CSMD1: variants seen among roughly 807,000 people sequenced by gnomAD.
CSMD1 encodes CUB and sushi domain-containing protein 1.
CSMD1 carries 213 observed loss-of-function variants against 417.5 expected under a neutral mutation model. That is an observed-to-expected ratio of 0.51 (90% CI 0.46 to 0.57). The LOEUF (loss-of-function observed/expected upper bound fraction) is 0.57. CSMD1 is among the 20% of genes least tolerant of loss of function. The pLI is 0.00. For synonymous variants in CSMD1, 2,862 were observed against 1,736.8 expected (o/e 1.65, Z -16.11); for missense variants, 6,923 against 4,529.7 (o/e 1.53, Z -15.17).
At chr8:3,913,092 G>C (rs1202534055) in intron 5 of CSMD1, among the ~76,000 whole-genome samples, 2 of 152,160 alleles carry the variant, frequency 1.3e-5, no homozygotes, top group Admixed American at 6.5e-5. Flanking sequence ...TTTGGATGGT[G>C]TGTGTCTGTG....
intron 46 of CSMD1, among the ~76,000 whole-genome samples, chr8:3,100,389 C>A (rs191137181): frequency 6.6e-6 from 1 of 152,326 alleles, no homozygotes; most frequent in East Asian, 1.9e-4. Flanking sequence ...GTTTCTTCTG[C>A]TCTTTCATAT....
intron 41 of CSMD1, among the ~76,000 whole-genome samples, chr8:3,141,405 T>G (rs892706343): frequency 6.6e-6 from 1 of 152,212 alleles, no homozygotes; most frequent in Non-Finnish European, 1.5e-5. Flanking sequence ...CTGGTTTGAC[T>G]CTGAAACAAA....
At chr8:3,259,179 C>G (rs1317882353) in intron 26 of CSMD1, among the ~76,000 whole-genome samples, 2 of 152,184 alleles carry the variant, frequency 1.3e-5, no homozygotes, top group Admixed American at 6.5e-5. Flanking sequence ...TTAGTATGGA[C>G]TCATATTCCA....
At chr8:3,966,732 GACACACACACAC>G (rs34929035) in intron 5 of CSMD1, among the ~76,000 whole-genome samples, 2 of 149,022 alleles carry the variant, frequency 1.3e-5, no homozygotes, top group Non-Finnish European at 3.0e-5. Context: ...CACACACACA[GACACACACACAC>G]ACACACACAC....
At chr8:3,249,739 G>C (rs149790404) in intron 26 of CSMD1, among the ~76,000 whole-genome samples, 2 of 113,628 alleles carry the variant, frequency 1.8e-5, no homozygotes, top group South Asian at 3.0e-4. Context: ...AGAAGCAAGA[G>C]AATGTGTTTA....
At chr8:4,349,817 G>C (rs1223954460) in intron 3 of CSMD1, among the ~76,000 whole-genome samples, 3 of 135,548 alleles carry the variant, frequency 2.2e-5, no homozygotes, top group Non-Finnish European at 4.5e-5. Flanking sequence ...AATATGATAT[G>C]ACCTTTTTTT....
intron 23 of CSMD1, among the ~76,000 whole-genome samples, chr8:3,320,915 A>G (rs1806111783): frequency 6.6e-6 from 1 of 152,200 alleles, no homozygotes; most frequent in Admixed American, 6.5e-5. Flanking sequence ...ACTGACCGTA[A>G]AGCGTTCAGT....
intron 2 of CSMD1, among the ~76,000 whole-genome samples, chr8:4,620,882 G>C (rs1019757700): frequency 8.6e-5 from 13 of 151,300 alleles, no homozygotes; most frequent in Non-Finnish European, 1.8e-4. Flanking sequence ...GTGAAAATAA[G>C]AGAAAAATTG....
chr8:3,823,380 G>C (rs569772862), intron 5 of CSMD1, among the ~76,000 whole-genome samples: 2 of 152,272 alleles, frequency 1.3e-5, no homozygotes, highest in African/African-American at 2.4e-5. Flanking sequence ...TTAAAGGAAA[G>C]TTAAATACTG....
intron 12 of CSMD1, among the ~76,000 whole-genome samples, chr8:3,427,467 C>A (rs1449479527): frequency 6.6e-6 from 1 of 151,796 alleles, no homozygotes; most frequent in African/African-American, 2.4e-5. Context: ...TTTTTGAAAC[C>A]TTTAAAATGA....
chr8:4,275,023 C>A (rs1796395855), intron 3 of CSMD1, among the ~76,000 whole-genome samples: 2 of 152,040 alleles, frequency 1.3e-5, no homozygotes, highest in African/African-American at 4.8e-5. Context: ...TACATTTTTC[C>A]ATTGGTATCC....
Position 4,407,339 on chromosome 8 carries a change from A to G in CSMD1, c.415+12614T>C, listed in dbSNP as rs989983201. ...AAGGGATGAAATGAAAACATATACA[A>G]TAACTTTTTTAAAACTCAATTTTTA... On this transcript the variant is annotated intron_variant, in intron 3 of 69. Coordinates refer to ENST00000635120, the MANE Select transcript of CSMD1 (RefSeq NM_033225.6). Among the ~76,000 whole-genome samples the G allele has an allele frequency of 4.6e-5, 7 of 152,372 alleles. 1 individual carries two copies. Among genetic ancestry groups the G allele is most frequent in the Admixed American group, 1.3e-4 (2 of 15,302 alleles).
At chr8:3,303,949 A>C (rs1436884959) in intron 25 of CSMD1, among the ~76,000 whole-genome samples, 1 of 75,156 alleles carries the variant, frequency 1.3e-5, no homozygotes, top group Non-Finnish European at 3.3e-5. Context: ...ATTGCGCCCC[A>C]TTATAATAAC....
intron 11 of CSMD1, among the ~76,000 whole-genome samples, chr8:3,485,538 C>CAG (rs55757538): frequency 0.017 from 2,246 of 134,984 alleles, 83 homozygotes; most frequent in African/African-American, 0.06. Context: ...CACACACACA[C>CAG]AGAGAGAGAG....
chr8:3,346,200 C>G (rs59640220), intron 22 of CSMD1, among the ~76,000 whole-genome samples: 1 of 151,944 alleles, frequency 6.6e-6, no homozygotes, highest in Non-Finnish European at 1.5e-5. Flanking sequence ...ATGTGAGAAG[C>G]ACGTTTTTTT....
intron 2 of CSMD1, among the ~76,000 whole-genome samples, chr8:4,452,508 A>T (rs138208010): frequency 6.6e-6 from 1 of 152,172 alleles, no homozygotes; most frequent in African/African-American, 2.4e-5. Flanking sequence ...TACAGCTTTA[A>T]TTTTAGTTCA....
chr8:4,052,583 T>G (rs945016540), intron 3 of CSMD1, among the ~76,000 whole-genome samples: 3 of 152,116 alleles, frequency 2.0e-5, no homozygotes, highest in Non-Finnish European at 4.4e-5. Flanking sequence ...ACGAAATTCT[T>G]GCCTTTCCCT....
intron 1 of CSMD1, among the ~76,000 whole-genome samples, chr8:4,893,868 CCAAAAACAGAAAAAAATCTA>C (rs1340565929): frequency 2.0e-5 from 3 of 151,878 alleles, no homozygotes; most frequent in Admixed American, 6.5e-5. Flanking sequence ...CCTTTTTTCC[CCAAAAACAGAAAAAAATCTA>C]TTTAACCAAG....
intron 1 of CSMD1, among the ~76,000 whole-genome samples, chr8:4,941,755 T>G (rs542721657): frequency 6.6e-6 from 1 of 152,222 alleles, no homozygotes; most frequent in East Asian, 1.9e-4. Flanking sequence ...TGTGCCATTA[T>G]GCCCGACTGA....
Sources: gnomAD v4.1 joint callset for allele counts (sites outside exome capture counted in the v4.1 genomes callset) on GRCh38, gnomAD v4.1.1 for gene constraint, MANE v1.5 for transcripts, NCBI Gene and HGNC (gene_info 2026-07-23, HGNC 2026-07-21) for gene names.